The following CAMTA1 variants were observed in gnomAD, a reference collection of about 807,000 sequenced individuals.
The protein encoded by CAMTA1 is calmodulin binding transcription activator 1, also known as calmodulin-binding transcription activator 1.
Under a neutral mutation model 170.9 loss-of-function variants are expected in CAMTA1, and 27 were observed. The ratio of observed to expected loss-of-function variants is 0.16; its 90% CI spans 0.12 to 0.22. The LOEUF is 0.22. CAMTA1 is among the 10% of genes least tolerant of loss of function. CAMTA1 has a pLI of 1.00. For synonymous variants in CAMTA1, 833 were observed against 891.5 expected (o/e 0.93, Z 1.17); for missense variants, 1,619 against 2,217.2 (o/e 0.73, Z 5.42).
chr1:7,544,179 A>G (rs577776142), intron 6 of CAMTA1, among the ~76,000 whole-genome samples: 33 of 152,322 alleles, frequency 2.2e-4, no homozygotes, highest in East Asian at 7.7e-4. Context: ...CATGGTGGGA[A>G]GCAAAAGGCA....
In CAMTA1 at chr1:6,812,085, C is replaced by T. The variant is rs115332416; in HGVS notation, c.46-8096C>T. On this transcript the variant is annotated intron_variant, in intron 1 of 22. Transcript: ENST00000303635. ...ATGTCTCCCTCCCAGCTAACCTGCT[C>T]GGTGTTCCTCAGTGGGAGCGTTTGC... Among the ~76,000 whole-genome samples the T allele has an allele frequency of 3.6e-3, 556 of 152,332 alleles. 6 individuals are homozygous for T. Among genetic ancestry groups the T allele is most frequent in the Non-Finnish European group, 6.8e-3 (465 of 68,030 alleles).
At chr1:7,672,891 C>T (rs2096073105) in intron 10 of CAMTA1, among the ~76,000 whole-genome samples, 1 of 152,144 alleles carries the variant, frequency 6.6e-6, no homozygotes, top group Admixed American at 6.5e-5. Flanking sequence ...CCTCCCCTCC[C>T]AGCCCCCACC....
chr1:7,371,315 T>C (rs1334930950), intron 5 of CAMTA1, among the ~76,000 whole-genome samples: 2 of 151,452 alleles, frequency 1.3e-5, no homozygotes, highest in East Asian at 3.9e-4. Flanking sequence ...TGGAGTGCAG[T>C]GGCGTATCTC....
At chr1:7,741,199 C>CA (rs976967423) in intron 16 of CAMTA1, among the ~76,000 whole-genome samples, 11 of 151,730 alleles carry the variant, frequency 7.2e-5, no homozygotes, top group African/African-American at 2.2e-4. Context: ...CTCTCGGGTT[C>CA]AGGGACAGTA....
intron 6 of CAMTA1, among the ~76,000 whole-genome samples, chr1:7,577,510 T>C: frequency 6.6e-6 from 1 of 151,804 alleles, no homozygotes; most frequent in Non-Finnish European, 1.5e-5. Flanking sequence ...TGGAAGGAAG[T>C]CCCATCTAGA....
In CAMTA1 at chr1:7,054,072, C is replaced by T. The variant is rs987038179; in HGVS notation, c.235-37232C>T. ...CACTTAGCACAGACCATCGTCCTCACTGCCAGCCCAGCCTCTGACTTAATT... is the reference window on the plus strand; with the variant it reads ...CACTTAGCACAGACCATCGTCCTCATTGCCAGCCCAGCCTCTGACTTAATT... On this transcript the variant is annotated intron_variant, in intron 3 of 22. Transcript: ENST00000303635. Among the ~76,000 whole-genome samples, 6 of 152,250 alleles carry T rather than the reference C, an allele frequency of 3.9e-5. No homozygotes were observed. The East Asian group carries it at 9.6e-4, about 24-fold the overall frequency.
intron 3 of CAMTA1, among the ~76,000 whole-genome samples, chr1:7,084,268 C>G (rs1051647816): frequency 6.6e-6 from 1 of 152,072 alleles, no homozygotes. Flanking sequence ...TGACATTGAG[C>G]CTGTATCTTG....
chr1:7,166,519 C>T (rs1648471327), intron 4 of CAMTA1, among the ~76,000 whole-genome samples: 1 of 152,140 alleles, frequency 6.6e-6, no homozygotes, highest in African/African-American at 2.4e-5. Flanking sequence ...TTCACATTCC[C>T]ATCACAGACT....
At chr1:7,103,468 C>T (rs925340648) in intron 4 of CAMTA1, among the ~76,000 whole-genome samples, 3 of 145,422 alleles carry the variant, frequency 2.1e-5, no homozygotes, top group African/African-American at 7.7e-5. Flanking sequence ...CACACATGTA[C>T]ACAACACACA....
At position 7,665,255 on chromosome 1, in the gene CAMTA1, C is replaced by T; in HGVS notation, c.2652+56C>T. 1 of 1,380,494 alleles carries T rather than the reference C, an allele frequency of 7.2e-7. No individual in the cohort carries two copies. The highest frequency in any genetic ancestry group is 9.5e-7 in the Non-Finnish European group (1 of 1,058,048). 85.5% of individuals were successfully genotyped at this position (1,380,494 alleles called of 1,614,324 possible). On this transcript the variant is annotated intron_variant, in intron 9 of 22. Coordinates refer to ENST00000303635, the MANE Select transcript of CAMTA1 (RefSeq NM_015215.4). This position sits in a 1 kb window ranked among gnomAD's most constrained non-coding sequence, Gnocchi z 4.3. ...CCTCCCCTCCCACCCACCTCGCCAG[C>T]CCCTGCGCCACCCTGCAGCTAAGGG...
intron 6 of CAMTA1, among the ~76,000 whole-genome samples, chr1:7,555,428 C>T (rs1325736946): frequency 1.3e-5 from 2 of 152,086 alleles, no homozygotes; most frequent in Non-Finnish European, 2.9e-5. Flanking sequence ...CCTCCACCCA[C>T]CTGTGGCCAC....
chr1:7,218,955 C>T (rs548920874), intron 4 of CAMTA1, among the ~76,000 whole-genome samples: 1 of 152,178 alleles, frequency 6.6e-6, no homozygotes, highest in Non-Finnish European at 1.5e-5. Flanking sequence ...ATTACCTTGG[C>T]GACCTGGAAG....
At chr1:7,034,433 C>T (rs1476464402) in intron 3 of CAMTA1, among the ~76,000 whole-genome samples, 2 of 152,314 alleles carry the variant, frequency 1.3e-5, no homozygotes, top group African/African-American at 2.4e-5. Flanking sequence ...AGATTACCGG[C>T]GTGAGCCACG....
At chr1:7,613,333 G>A (rs1216828227) in intron 6 of CAMTA1, among the ~76,000 whole-genome samples, 2 of 152,212 alleles carry the variant, frequency 1.3e-5, no homozygotes, top group Non-Finnish European at 2.9e-5. Flanking sequence ...TGTGCTGAGT[G>A]AGATGGACAG....
chr1:7,613,831 C>T (rs183785355), intron 6 of CAMTA1, among the ~76,000 whole-genome samples: 126 of 139,112 alleles, frequency 9.1e-4, no homozygotes, highest in African/African-American at 3.1e-3. Context: ...CCAGAGGAGT[C>T]GGGGGAGCAA....
At chr1:7,026,349 A>AG (rs200606359) in intron 3 of CAMTA1, among the ~76,000 whole-genome samples, 2,780 of 151,980 alleles carry the variant, frequency 0.018, 78 homozygotes, top group African/African-American at 0.064. Flanking sequence ...CTATATGTCC[A>AG]GGGGGGGAGT....
At chr1:6,821,288 A>G (rs1646458706) in intron 2 of CAMTA1, among the ~76,000 whole-genome samples, 1 of 152,234 alleles carries the variant, frequency 6.6e-6, no homozygotes, top group Non-Finnish European at 1.5e-5. Context: ...TGTTTGGCAC[A>G]TAGTGCTTAA....
intron 3 of CAMTA1, among the ~76,000 whole-genome samples, chr1:6,911,625 T>C (rs148217502): frequency 2.4e-4 from 37 of 152,294 alleles, no homozygotes; most frequent in Admixed American, 7.8e-4. Context: ...TAGACCTTCA[T>C]AGGGCTGAGA....
intron 3 of CAMTA1, among the ~76,000 whole-genome samples, chr1:6,976,888 C>T (rs960294442): frequency 7.2e-5 from 11 of 152,126 alleles, no homozygotes; most frequent in African/African-American, 2.2e-4. Context: ...ATGCTGTTCT[C>T]GTGATAGTGA....
Sources: allele counts gnomAD v4.1 joint callset (sites outside exome capture counted in the v4.1 genomes callset), GRCh38; gene constraint gnomAD v4.1.1; non-coding constraint Gnocchi (gnomAD v3.1); transcripts MANE v1.5; gene names NCBI Gene and HGNC (gene_info 2026-07-23, HGNC 2026-07-21).